Variants in KAT6A observed in about 807,000 individuals in gnomAD.
KAT6A encodes the protein histone acetyltransferase KAT6A.
Under a neutral mutation model 198.4 loss-of-function variants are expected in KAT6A, and 9 were observed. The observed-to-expected ratio is 0.05, with a 90% CI of 0.03 to 0.08. KAT6A has a LOEUF of 0.08. Ranked by LOEUF, KAT6A falls within the 10% of genes least tolerant of loss-of-function variation. KAT6A has a pLI of 1.00. For missense variants in KAT6A, 2,077 were observed against 2,509.9 expected, an observed-to-expected ratio of 0.83 and a Z score of 3.69; for synonymous variants, 890 against 883.0, an observed-to-expected ratio of 1.01 and a Z score of -0.14.
intron 15 of KAT6A, among the ~76,000 whole-genome samples, 155 bp from the exon 16 acceptor site, chr8:41,937,723 G>A (rs1230438172): frequency 1.3e-5 from 2 of 152,124 alleles, no homozygotes; most frequent in African/African-American, 2.4e-5. Flanking sequence ...AAATACTATA[G>A]TAAGATAATA....
chr8:41,935,771 A>C (rs1821820381), intron 16 of KAT6A, among the ~76,000 whole-genome samples: 1 of 152,262 alleles, frequency 6.6e-6, no homozygotes, highest in African/African-American at 2.4e-5. Context: ...TGGCTGCATC[A>C]GCAAAAATCT....
intron 16 of KAT6A, among the ~76,000 whole-genome samples, chr8:41,935,392 G>A (rs1245590758): frequency 1.3e-5 from 2 of 152,000 alleles, no homozygotes; most frequent in Non-Finnish European, 2.9e-5. Flanking sequence ...CCATGACTGA[G>A]CCATCGTATG....
At chr8:41,987,701 T>C (rs1165084419) in intron 2 of KAT6A, 138 bp from the exon 3 acceptor site, 1 of 646,418 alleles carries the variant, frequency 1.5e-6, no homozygotes, top group East Asian at 2.6e-5. Flanking sequence ...TCCAGCTAAG[T>C]AGGTGAGTTT....
Position 41,937,367 on chromosome 8 carries a change from G to T in KAT6A, c.3241C>A (p.Pro1081Thr), listed in dbSNP as rs752774705. 1.2e-6 allele frequency: 2 copies of T among 1,613,990 alleles called. No individual in the cohort carries two copies. The highest frequency in any genetic ancestry group is 4.5e-5 in the East Asian group (2 of 44,876). ...EEEEDENELF[P>T]REYFRRLSSQ... is the part of the protein sequence containing the mutation. ...GACAAACGACGGAAGTATTCTCTAG[G>T]GAAAAGTTCATTTTCATCCTCTTCC... Residue 1081 changes from proline to threonine, a missense_variant, in exon 16 of 17, where the codon CCT becomes ACT. Pro to Thr is a conservative substitution (Grantham distance 38). This residue lies in a region of KAT6A where 375 missense variants were observed against 383.0 expected (regional missense o/e 0.98). Coordinates refer to ENST00000265713, the MANE Select transcript of KAT6A (RefSeq NM_006766.5).
At position 41,981,872 on chromosome 8, in the gene KAT6A, T is replaced by C; in HGVS notation, c.792A>G (p.Thr264=). The change falls in exon 4 of 17, where the codon ACA becomes ACG. Residue 264 remains threonine, a synonymous_variant. Coordinates refer to ENST00000265713, the MANE Select transcript of KAT6A (RefSeq NM_006766.5). ...ALRWQCIECK[T]CSSCRDQGKN... ...TGCCTTGATCTCGACAGGAGCTGCATGTTTTACACTCGATGCACTGCCACC... is the reference window on the plus strand; with the variant it reads ...TGCCTTGATCTCGACAGGAGCTGCACGTTTTACACTCGATGCACTGCCACC... The C allele has an allele frequency of 3.7e-6, 6 of 1,614,014 alleles. No homozygotes were observed. The highest frequency in any genetic ancestry group is 1.1e-5 in the South Asian group (1 of 91,064).
chr8:42,036,984 T>C (rs970258546), intron 2 of KAT6A, among the ~76,000 whole-genome samples: 5 of 152,204 alleles, frequency 3.3e-5, no homozygotes, highest in Admixed American at 1.3e-4. Flanking sequence ...AAAAAGTACC[T>C]GCTTCTTCTG....
intron 2 of KAT6A, among the ~76,000 whole-genome samples, chr8:42,000,891 G>C (rs1825465081): frequency 6.6e-6 from 1 of 152,178 alleles, no homozygotes; most frequent in Non-Finnish European, 1.5e-5. Context: ...AGTGACAAAA[G>C]TGACATTCAA....
rs747871991 is a variant in KAT6A, at chr8:41,933,045, G to A, written c.5175C>T (p.Ser1725=). ...TCTCATAGATACTTATGTTCCCAGT[G>A]CTTCCAGATTCTGGTATCTCCATGA... ...PMIMEIPESG[S]TGNISIYERI... Residue 1725 remains serine, a synonymous_variant, in exon 17 of 17, where the codon AGC becomes AGT. Coordinates refer to ENST00000265713, the MANE Select transcript of KAT6A (RefSeq NM_006766.5). This position sits in a 1 kb window ranked among gnomAD's most constrained non-coding sequence, Gnocchi z 6.2. 1 of 1,612,598 alleles carries A rather than the reference G, an allele frequency of 6.2e-7. No individual in the cohort carries two copies. Among genetic ancestry groups the A allele is most frequent in the Admixed American group, 1.7e-5 (1 of 59,664 alleles).
At chr8:42,019,458 T>C (rs913410042) in intron 2 of KAT6A, among the ~76,000 whole-genome samples, 12 of 152,228 alleles carry the variant, frequency 7.9e-5, no homozygotes, top group Non-Finnish European at 1.5e-4. Flanking sequence ...GTAACATCTA[T>C]AGAAGGCTCA....
Position 41,933,831 on chromosome 8 carries a change from G to T in KAT6A, c.4389C>A (p.Asp1463Glu). 1 of 1,614,078 alleles carries T rather than the reference G, an allele frequency of 6.2e-7. No individual in the cohort carries two copies. The highest frequency in any genetic ancestry group is 8.5e-7 in the Non-Finnish European group (1 of 1,180,008). ...CQTLQSYTQADEDPQMSMVED... is the reference protein window; with the variant it reads ...CQTLQSYTQAEEDPQMSMVED... ...CAACCATGGACATCTGAGGGTCCTC[G>T]TCAGCCTGGGTGTAACTCTGCAGGG... The change falls in exon 17 of 17, where the codon GAC (aspartate) becomes GAA (glutamate). Residue 1463 changes from aspartate to glutamate, a missense_variant. This residue lies in a region of KAT6A where 178 missense variants were observed against 220.8 expected (regional missense o/e 0.81). Transcript: ENST00000265713. The surrounding 1 kb of genome is among the most constrained non-coding windows in gnomAD (Gnocchi z 6.2).
chr8:42,048,486 T>G lies in KAT6A; in HGVS notation c.492A>C (p.Gly164=). Residue 164 remains glycine, a synonymous_variant, in exon 2 of 17, where the codon GGA becomes GGC. Coordinates refer to ENST00000265713, the MANE Select transcript of KAT6A (RefSeq NM_006766.5). Reference sequence around the variant, plus strand: ...CTTTAGTGTTGAGCCGATAAAGAGGTCCATCTTTAAGGAGTCTGCCGTGGC... The same window carrying G: ...CTTTAGTGTTGAGCCGATAAAGAGGGCCATCTTTAAGGAGTCTGCCGTGGC... ...AIGHGRLLKD[G]PLYRLNTKAT... 1 of 1,614,054 alleles carries G rather than the reference T, an allele frequency of 6.2e-7. No homozygotes were observed. The highest frequency in any genetic ancestry group is 8.5e-7 in the Non-Finnish European group (1 of 1,179,982).
At chr8:41,965,522 A>G (rs1219954391) in intron 8 of KAT6A, among the ~76,000 whole-genome samples, 4 of 152,214 alleles carry the variant, frequency 2.6e-5, no homozygotes, top group African/African-American at 9.6e-5. Flanking sequence ...TATCTAGCCA[A>G]GATGAACTTT....
At chr8:41,935,147 C>T in intron 16 of KAT6A, among the ~76,000 whole-genome samples, 1 of 152,192 alleles carries the variant, frequency 6.6e-6, no homozygotes, top group Non-Finnish European at 1.5e-5. Context: ...TCATCAGCTG[C>T]ATGTCTGTGG....
Position 41,931,313 on chromosome 8 carries a change from A to T in KAT6A, c.*892T>A. The stretch of plus-strand genomic sequence containing the variant: ...CTGATTCACCAGGTGGTAAAAAAAC[A>T]AGAGGTTAATCTCCTCTTTTTGATT... On this transcript the variant is annotated 3_prime_UTR_variant, in exon 17 of 17. Coordinates refer to ENST00000265713, the MANE Select transcript of KAT6A (RefSeq NM_006766.5). 1 of 218,868 alleles carries T rather than the reference A, an allele frequency of 4.6e-6. No homozygotes were observed. The highest frequency in any genetic ancestry group is 9.2e-6 in the Non-Finnish European group (1 of 108,782). The allele number at this position is 218,868 out of a possible 1,614,324, so 13.6% of individuals were successfully genotyped here.
At chr8:41,948,875 AT>A (rs1216970040) in intron 10 of KAT6A, among the ~76,000 whole-genome samples, 1 of 151,456 alleles carries the variant, frequency 6.6e-6, no homozygotes, top group Non-Finnish European at 1.5e-5. Context: ...ACTAACAGCA[AT>A]AGAGAATCAC....
intron 2 of KAT6A, among the ~76,000 whole-genome samples, chr8:42,013,834 G>A (rs1170096213): frequency 6.6e-6 from 1 of 152,170 alleles, no homozygotes; most frequent in African/African-American, 2.4e-5. Flanking sequence ...TTAGTCAAGA[G>A]GGAAGTAAAA....
At chr8:41,960,414 A>G (rs1431547721) in intron 8 of KAT6A, among the ~76,000 whole-genome samples, 2 of 151,128 alleles carry the variant, frequency 1.3e-5, no homozygotes, top group African/African-American at 4.9e-5. Flanking sequence ...CTAAAAATAC[A>G]AAGAATGGCG....
chr8:41,934,915 T>A (rs569425135), intron 16 of KAT6A, 48 bp from the exon 17 acceptor site: 83 of 1,432,788 alleles, frequency 5.8e-5, no homozygotes, highest in Non-Finnish European at 7.1e-5. Flanking sequence ...GGTCTTACAT[T>A]TTCTAGTTCC....
chr8:42,039,990 G>A (rs138840162), intron 2 of KAT6A, among the ~76,000 whole-genome samples: 1,798 of 151,188 alleles, frequency 0.012, 32 homozygotes, highest in African/African-American at 0.042. Flanking sequence ...CTCGAGATCC[G>A]CCTGCCTCGG....
Sources: gnomAD v4.1 joint callset for allele counts (sites outside exome capture counted in the v4.1 genomes callset) on GRCh38, gnomAD v4.1.1 for gene constraint, gnomAD v4.1.1 regional missense constraint, Gnocchi (gnomAD v3.1) non-coding constraint, MANE v1.5 for transcripts, NCBI Gene and HGNC (gene_info 2026-07-23, HGNC 2026-07-21) for gene names.